SCN8A: variants seen among roughly 807,000 people sequenced by gnomAD.
The protein encoded by SCN8A is sodium channel protein type 8 subunit alpha.
Under a neutral mutation model 184.1 loss-of-function variants are expected in SCN8A, and 30 were observed. That is an observed-to-expected ratio of 0.16 (90% CI 0.12 to 0.22). The LOEUF (loss-of-function observed/expected upper bound fraction) is 0.22. Among genes scored for constraint, SCN8A ranks in the 10% least tolerant of loss-of-function variants. The probability of loss-of-function intolerance (pLI) is 1.00; values close to 1 mark genes in which losing one functional copy is unlikely to be tolerated. For missense variants in SCN8A, 1,057 were observed against 2,498.9 expected (o/e 0.42, Z 12.30); for synonymous variants, 852 against 907.0 (o/e 0.94, Z 1.09).
chr12:51,805,483 T>TTATA (rs149031078), intron 26 of SCN8A, among the ~76,000 whole-genome samples: 3 of 150,290 alleles, frequency 2.0e-5, no homozygotes, highest in African/African-American at 7.3e-5. Flanking sequence ...TAGTAGGAAA[T>TTATA]TATATATATA....
intron 20 of SCN8A, chr12:51,780,269 A>T (rs958172765): frequency 2.2e-6 from 1 of 455,700 alleles, no homozygotes; most frequent in African/African-American, 2.0e-5. Flanking sequence ...GTAAAGGGCG[A>T]GGGTAAGGCT....
chr12:51,601,681 T>C (rs1052971963), intron 1 of SCN8A, among the ~76,000 whole-genome samples: 2 of 151,970 alleles, frequency 1.3e-5, no homozygotes, highest in African/African-American at 4.8e-5. Flanking sequence ...CCTTGGGGGC[T>C]GATGTGCTTT....
intron 4 of SCN8A, 148 bp from the exon 5 acceptor site, chr12:51,686,940 TCTC>T (rs1941429445): frequency 1.4e-6 from 1 of 712,012 alleles, no homozygotes; most frequent in African/African-American, 1.8e-5. Context: ...AGCATTTCTT[TCTC>T]CTCCTCACTT....
chr12:51,748,741 A>C (rs1223125042), intron 13 of SCN8A, among the ~76,000 whole-genome samples: 1 of 152,238 alleles, frequency 6.6e-6, no homozygotes, highest in Admixed American at 6.5e-5. Flanking sequence ...ATCAAGTGTC[A>C]GTATAGTTAC....
intron 13 of SCN8A, among the ~76,000 whole-genome samples, chr12:51,747,921 C>T (rs995655945): frequency 6.6e-6 from 1 of 151,848 alleles, no homozygotes; most frequent in Non-Finnish European, 1.5e-5. Context: ...TAGTTGTGTT[C>T]CTGAATAGGA....
intron 1 of SCN8A, among the ~76,000 whole-genome samples, chr12:51,644,893 G>A (rs1418692483): frequency 4.0e-5 from 6 of 151,242 alleles, no homozygotes; most frequent in Non-Finnish European, 7.4e-5. Flanking sequence ...CAACCGCCCC[G>A]TCTGAGAAGT....
chr12:51,692,710 G>C (rs749258318), intron 6 of SCN8A, among the ~76,000 whole-genome samples: 90 of 152,342 alleles, frequency 5.9e-4, no homozygotes, highest in Non-Finnish European at 1.1e-3. Flanking sequence ...CCCGCATAAA[G>C]TGAACTTCTA....
chr12:51,751,351 G>A lies in SCN8A; in HGVS notation c.2132-4G>A, dbSNP rs1942591417. 6.2e-7 allele frequency: 1 copy of A among 1,606,638 alleles called. No individual in the cohort carries two copies. The highest frequency in any genetic ancestry group is 1.3e-5 in the African/African-American group (1 of 74,746). On this transcript the variant is annotated splice_region_variant and splice_polypyrimidine_tract_variant and intron_variant, in intron 13 of 26. Transcript: ENST00000627620. ...GGGGCCATCTTTGTTCTTACTTACTGTAGAACTGGAAGAGTCTCAGAGAAA... is the reference window on the plus strand; with the variant it reads ...GGGGCCATCTTTGTTCTTACTTACTATAGAACTGGAAGAGTCTCAGAGAAA...
intron 20 of SCN8A, among the ~76,000 whole-genome samples, chr12:51,777,767 C>CTGGG (rs1054279326): frequency 1.4e-4 from 21 of 152,188 alleles, no homozygotes; most frequent in African/African-American, 5.1e-4. Context: ...CCCTGAAGAG[C>CTGGG]TGGGATCTTC....
intron 1 of SCN8A, among the ~76,000 whole-genome samples, chr12:51,637,821 A>G (rs1038674848): frequency 2.6e-5 from 4 of 152,174 alleles, no homozygotes; most frequent in Admixed American, 6.5e-5. Flanking sequence ...ATACTAAACA[A>G]TGGATTTTGA....
At chr12:51,745,613 T>C (rs1248418822) in intron 12 of SCN8A, among the ~76,000 whole-genome samples, 1 of 152,228 alleles carries the variant, frequency 6.6e-6, no homozygotes, top group Non-Finnish European at 1.5e-5. Flanking sequence ...GGATCTGGTC[T>C]TTCTACTCTA....
intron 11 of SCN8A, among the ~76,000 whole-genome samples, chr12:51,711,501 A>G (rs1191316922): frequency 5.3e-5 from 8 of 152,216 alleles, no homozygotes; most frequent in Admixed American, 5.2e-4. Context: ...ATAACTAGTT[A>G]TAGAAGGTTA....
At chr12:51,637,008 C>G (rs978781794) in intron 1 of SCN8A, among the ~76,000 whole-genome samples, 1 of 152,138 alleles carries the variant, frequency 6.6e-6, no homozygotes, top group African/African-American at 2.4e-5. Flanking sequence ...AGCATATGCT[C>G]ACTTTGTGTC....
intron 25 of SCN8A, among the ~76,000 whole-genome samples, chr12:51,794,157 A>T (rs911646578): frequency 6.6e-6 from 1 of 152,126 alleles, no homozygotes. Context: ...AGAAAAACAA[A>T]CAGAAAACAG....
At chr12:51,729,399 C>G (rs1027904354) in intron 12 of SCN8A, among the ~76,000 whole-genome samples, 4 of 152,122 alleles carry the variant, frequency 2.6e-5, no homozygotes, top group African/African-American at 9.7e-5. Flanking sequence ...GATTTGTTTT[C>G]TTTTGTATGT....
At chr12:51,721,454 C>A in intron 11 of SCN8A, 92 bp from the exon 12 acceptor site, 2 of 1,360,312 alleles carry the variant, frequency 1.5e-6, no homozygotes, top group Non-Finnish European at 2.0e-6. Context: ...AGGGTGGGGC[C>A]GGCTGGGAAC....
intron 21 of SCN8A, 28 bp from the exon 22 acceptor site, chr12:51,786,514 C>T (rs1419599974): frequency 6.2e-7 from 1 of 1,613,776 alleles, no homozygotes; most frequent in Admixed American, 1.7e-5. Flanking sequence ...TTCCACCCAA[C>T]ACTGAGCAAC....
chr12:51,760,478 A>C (rs917350088), intron 14 of SCN8A, among the ~76,000 whole-genome samples: 2 of 152,232 alleles, frequency 1.3e-5, no homozygotes, highest in Admixed American at 6.5e-5. Context: ...GAGTTCCCAC[A>C]GTATAGATAT....
At chr12:51,735,061 T>A (rs372405693) in intron 12 of SCN8A, among the ~76,000 whole-genome samples, 3 of 152,372 alleles carry the variant, frequency 2.0e-5, no homozygotes, top group Admixed American at 2.0e-4. Context: ...AATTTTGATC[T>A]TATTAAGAGC....
Sources: allele counts gnomAD v4.1 joint callset (sites outside exome capture counted in the v4.1 genomes callset), GRCh38; gene constraint gnomAD v4.1.1; transcripts MANE v1.5; gene names NCBI Gene and HGNC (gene_info 2026-07-23, HGNC 2026-07-21).